The following ITGAD variants were observed in gnomAD, a reference collection of about 807,000 sequenced individuals.
ITGAD encodes integrin subunit alpha D, also known as integrin alpha-D.
Under a neutral mutation model 139.0 loss-of-function variants are expected in ITGAD, and 105 were observed. That is an observed-to-expected ratio of 0.76 (90% CI 0.65 to 0.89). The LOEUF is 0.89. ITGAD is among the 40% of genes least tolerant of loss of function. The pLI is 0.00. For missense variants in ITGAD, 1,384 were observed against 1,487.3 expected (o/e 0.93, Z 1.14); for synonymous variants, 569 against 598.3 (o/e 0.95, Z 0.71).
chr16:31,404,426 A>C (rs2081487386), intron 7 of ITGAD: 1 of 152,124 alleles, frequency 6.6e-6, no homozygotes, highest in African/African-American at 2.4e-5. Flanking sequence ...TTTGGCTTAA[A>C]CAAGAGATGC....
intron 6 of ITGAD, chr16:31,402,548 TTTC>T: frequency 4.6e-6 from 1 of 218,876 alleles, no homozygotes; most frequent in Non-Finnish European, 9.2e-6. Flanking sequence ...TAACTAATGA[TTTC>T]TTTTTATTAT....
Position 31,412,927 on chromosome 16 carries a change from G to A in ITGAD, c.1797G>A (p.Met599Ile), listed in dbSNP as rs778676347. The change falls in exon 15 of 30, where the codon ATG becomes ATA. Residue 599 changes from methionine to isoleucine, a missense_variant. Transcript: ENST00000389202. ...GGQDLTQDGL[M>I]DLAVGARGQV... ...AGGACCTCACCCAGGATGGACTGAT[G>A]GACCTGGCCGTGGGGGCCCGGGGCC... The A allele has an allele frequency of 2.5e-6, 4 of 1,612,300 alleles. No individual in the cohort carries two copies. The South Asian group carries it at 4.4e-5, about 18-fold the overall frequency.
At chr16:31,409,118 C>G (rs895271770) in intron 10 of ITGAD, among the ~76,000 whole-genome samples, 4 of 152,030 alleles carry the variant, frequency 2.6e-5, no homozygotes, top group Non-Finnish European at 5.9e-5. Context: ...CATGGCGAAA[C>G]CCCACCTCTA....
chr16:31,415,464 G>A (rs1021878032), intron 18 of ITGAD, among the ~76,000 whole-genome samples: 5 of 152,184 alleles, frequency 3.3e-5, no homozygotes, highest in Non-Finnish European at 7.4e-5. Flanking sequence ...TACTAGGCAC[G>A]CTTTTCATAA....
chr16:31,397,934 C>A, intron 5 of ITGAD, 25 bp downstream of exon 5: 1 of 1,556,778 alleles, frequency 6.4e-7, no homozygotes, highest in South Asian at 1.1e-5. Flanking sequence ...GGCCATGGTT[C>A]CCTGTGGAGC....
chr16:31,413,121 T>C lies in ITGAD; in HGVS notation c.1871T>C (p.Met624Thr). 6.2e-7 allele frequency: 1 copy of C among 1,613,810 alleles called. No individual in the cohort carries two copies. The highest frequency in any genetic ancestry group is 8.5e-7 in the Non-Finnish European group (1 of 1,179,772). ...CCGGTGCTGAAAGTGGGGGTGGCCA[T>C]GAGATTCAGCCCTGTGGAGGTGGCC... ...SLPVLKVGVA[M>T]RFSPVEVAKA... Residue 624 changes from methionine (M) to threonine (T), a missense_variant, in exon 16 of 30, where the codon ATG (methionine) becomes ACG (threonine). By Grantham distance (81) the Met-to-Thr change is moderately conservative (BLOSUM62 -1). Transcript: ENST00000389202.
At chr16:31,409,074 A>G (rs2081612177) in intron 10 of ITGAD, among the ~76,000 whole-genome samples, 1 of 152,126 alleles carries the variant, frequency 6.6e-6, no homozygotes, top group Non-Finnish European at 1.5e-5. Context: ...CGGGCGGATC[A>G]CTTGAGGTCA....
chr16:31,414,208 T>C (rs562470966), intron 16 of ITGAD, among the ~76,000 whole-genome samples: 1 of 152,140 alleles, frequency 6.6e-6, no homozygotes, highest in Admixed American at 6.6e-5. Context: ...ATCTAATCTG[T>C]CACCTATTTA....
chr16:31,410,620 G>A (rs2081667662), intron 11 of ITGAD, 96 bp downstream of exon 11: 1 of 1,566,042 alleles, frequency 6.4e-7, no homozygotes, highest in African/African-American at 1.4e-5. Context: ...TGTGCTGCCT[G>A]GGGTGGGTTC....
At chr16:31,394,152 A>T in intron 1 of ITGAD, 84 bp from the exon 2 acceptor site, 1 of 793,466 alleles carries the variant, frequency 1.3e-6, no homozygotes, top group Non-Finnish European at 2.0e-6. Context: ...AAAAAAAAAG[A>T]AAAAAAAGAA....
At chr16:31,414,767 C>T (rs1292568630) in intron 17 of ITGAD, 93 bp from the exon 18 acceptor site, 3 of 1,567,004 alleles carry the variant, frequency 1.9e-6, no homozygotes, top group African/African-American at 2.7e-5. Flanking sequence ...GGAGGGAGCA[C>T]TGTCAGGGCA....
At chr16:31,395,515 CT>C (rs1309611109) in intron 2 of ITGAD, among the ~76,000 whole-genome samples, 1 of 152,164 alleles carries the variant, frequency 6.6e-6, no homozygotes, top group Non-Finnish European at 1.5e-5. Context: ...GGGGCGCTCA[CT>C]CTGGGAGTAC....
In ITGAD at chr16:31,424,126, G is replaced by C. The variant is rs777729629; in HGVS notation, c.3184G>C (p.Val1062Leu). The change falls in exon 28 of 30, where the codon GTG (valine) becomes CTG (leucine). Residue 1062 changes from valine to leucine, a missense_variant. Coordinates refer to ENST00000389202, the MANE Select transcript of ITGAD (RefSeq NM_005353.3). The part of the protein sequence containing the change: ...RETLQKKVLV[V>L]SVAEITFDTS... ...GACATTGCAGAAGAAGGTGTTGGTC[G>C]TGAGTGTGGCTGAAATTACGTTCGA... is the stretch of plus-strand genomic sequence containing the variant. The C allele has an allele frequency of 6.2e-7, 1 of 1,614,240 alleles. No homozygotes were observed. The highest frequency in any genetic ancestry group is 1.6e-4 in the Middle Eastern group (1 of 6,062).
In ITGAD at chr16:31,416,239, A is replaced by G; in HGVS notation, c.2310A>G (p.Gln770=). The change falls in exon 19 of 30, where the codon CAA becomes CAG. Residue 770 remains glutamine (Q), a synonymous_variant. Transcript: ENST00000389202. ...ASLPFEKNCG[Q]DGLCEGDLGV... ...TCCCCTTCGAGAAGAACTGTGGGCAAGATGGCCTCTGTGAAGGGGACCTGG... is the reference window on the plus strand; with the variant it reads ...TCCCCTTCGAGAAGAACTGTGGGCAGGATGGCCTCTGTGAAGGGGACCTGG... The G allele has an allele frequency of 6.2e-7, 1 of 1,607,272 alleles. No individual in the cohort carries two copies. Among genetic ancestry groups the G allele is most frequent in the Non-Finnish European group, 8.5e-7 (1 of 1,175,972 alleles).
intron 16 of ITGAD, 72 bp downstream of exon 16, chr16:31,413,318 G>C: frequency 4.0e-6 from 6 of 1,488,128 alleles, no homozygotes; most frequent in Non-Finnish European, 5.5e-6. Flanking sequence ...CTGAGGATGG[G>C]ATGGGCCTAG....
chr16:31,409,752 A>G (rs1482858593), intron 10 of ITGAD, among the ~76,000 whole-genome samples: 5 of 151,962 alleles, frequency 3.3e-5, no homozygotes, highest in Non-Finnish European at 5.9e-5. Flanking sequence ...TCTACAAAAA[A>G]TAAAAAAAAA....
At chr16:31,402,371 C>T in intron 6 of ITGAD, 126 bp downstream of exon 6, 1 of 875,776 alleles carries the variant, frequency 1.1e-6, no homozygotes, top group Non-Finnish European at 1.8e-6. Flanking sequence ...GAGAATGAAG[C>T]TATGGTCCCA....
In ITGAD at chr16:31,403,403, G is replaced by T; in HGVS notation, c.559-97G>T. On this transcript the variant is annotated intron_variant, in intron 6 of 29. Coordinates refer to ENST00000389202, the MANE Select transcript of ITGAD (RefSeq NM_005353.3). The surrounding 1 kb of genome is among the most constrained non-coding windows in gnomAD (Gnocchi z 4.4). ...AGGCTGAGGCAGGAGGATCACTTGA[G>T]GCCAGGAGTTTGAGAGACCCTGTCT... is the stretch of plus-strand genomic sequence containing the variant. The T allele has an allele frequency of 7.0e-7, 1 of 1,425,260 alleles. No homozygotes were observed. The highest frequency in any genetic ancestry group is 9.7e-7 in the Non-Finnish European group (1 of 1,030,858). The allele number at this position is 1,425,260 out of a possible 1,614,324, so 88.3% of individuals were successfully genotyped here. A position where few individuals can be genotyped will look rare whatever the true frequency, so the allele number is the denominator to read the frequency against.
chr16:31,400,121 G>A (rs764906380), intron 5 of ITGAD, among the ~76,000 whole-genome samples: 14 of 152,206 alleles, frequency 9.2e-5, no homozygotes, highest in Non-Finnish European at 1.5e-4. Flanking sequence ...GTTTCTTGAC[G>A]CAGCTGAAAA....
Sources: gnomAD v4.1 joint callset for allele counts (sites outside exome capture counted in the v4.1 genomes callset) on GRCh38, gnomAD v4.1.1 for gene constraint, Gnocchi (gnomAD v3.1) non-coding constraint, MANE v1.5 for transcripts, NCBI Gene and HGNC (gene_info 2026-07-23, HGNC 2026-07-21) for gene names.